IGFBP7: variants seen among roughly 807,000 people sequenced by gnomAD.
The protein encoded by IGFBP7 is insulin like growth factor binding protein 7, also known as insulin-like growth factor-binding protein 7.
In IGFBP7, 31 loss-of-function variants were observed where a neutral mutation model predicts 29.4. The ratio of observed to expected loss-of-function variants is 1.05; its 90% confidence interval spans 0.79 to 1.42. The LOEUF (loss-of-function observed/expected upper bound fraction) is 1.42, where lower values mean the gene tolerates loss of function less well. IGFBP7 is among the 40% of genes most tolerant of loss of function. The pLI is 0.00. For synonymous variants in IGFBP7, 172 were observed against 174.9 expected (o/e 0.98, Z 0.13); for missense variants, 393 against 395.5 (o/e 0.99, Z 0.05).
intron 1 of IGFBP7, among the ~76,000 whole-genome samples, chr4:57,062,510 T>C (rs1306352541): frequency 6.6e-6 from 1 of 152,182 alleles, no homozygotes; most frequent in East Asian, 1.9e-4. Context: ...CAACCCCAAA[T>C]AGGTGGGAAT....
intron 1 of IGFBP7, among the ~76,000 whole-genome samples, chr4:57,074,039 A>ATCTCTCTCTCTC (rs10569950): frequency 9.3e-6 from 1 of 107,446 alleles, no homozygotes; most frequent in Non-Finnish European, 2.0e-5. Context: ...TGGAAAATGC[A>ATCTCTCTCTCTC]TCTCTCTCTC....
chr4:57,093,239 G>A (rs1421850568), intron 1 of IGFBP7, among the ~76,000 whole-genome samples: 2 of 152,186 alleles, frequency 1.3e-5, no homozygotes, highest in Middle Eastern at 3.2e-3. Context: ...AGTGGCTCAC[G>A]CCTATAATCC....
At chr4:57,102,501 G>A (rs1410491433) in intron 1 of IGFBP7, among the ~76,000 whole-genome samples, 4 of 152,024 alleles carry the variant, frequency 2.6e-5, no homozygotes, top group African/African-American at 9.7e-5. Context: ...AGTTTTTACT[G>A]GAAAGTTCTT....
At chr4:57,045,652 A>G (rs1172759819) in intron 1 of IGFBP7, among the ~76,000 whole-genome samples, 2 of 151,738 alleles carry the variant, frequency 1.3e-5, no homozygotes, top group Admixed American at 1.3e-4. Flanking sequence ...TAGGATACCT[A>G]TTTACTAAGC....
At chr4:57,086,796 C>T (rs10010274) in intron 1 of IGFBP7, among the ~76,000 whole-genome samples, 138,806 of 152,254 alleles carry the variant, frequency 0.91, 63,536 homozygotes, top group South Asian at 0.98. Flanking sequence ...TGTAGTGGCG[C>T]GATCTCAGCT....
chr4:57,054,262 T>C (rs1724585471), intron 1 of IGFBP7, among the ~76,000 whole-genome samples: 4 of 151,874 alleles, frequency 2.6e-5, no homozygotes, highest in African/African-American at 9.7e-5. Flanking sequence ...TAAGGGAGGC[T>C]CACCCATCTT....
At chr4:57,047,787 C>T (rs1724398212) in intron 1 of IGFBP7, among the ~76,000 whole-genome samples, 1 of 152,122 alleles carries the variant, frequency 6.6e-6, no homozygotes, top group African/African-American at 2.4e-5. Flanking sequence ...CAGGCTGGAG[C>T]ACAGTGGTGC....
At chr4:57,099,982 T>C (rs1725854730) in intron 1 of IGFBP7, among the ~76,000 whole-genome samples, 1 of 152,012 alleles carries the variant, frequency 6.6e-6, no homozygotes, top group Non-Finnish European at 1.5e-5. Flanking sequence ...AGGGATCCTC[T>C]GCATCAGCCT....
At chr4:57,092,773 A>G (rs1322170765) in intron 1 of IGFBP7, among the ~76,000 whole-genome samples, 1 of 151,052 alleles carries the variant, frequency 6.6e-6, no homozygotes, top group African/African-American at 2.4e-5. Flanking sequence ...TAAAGATGTG[A>G]ATTAAAAGGT....
At chr4:57,083,569 T>C (rs1036838838) in intron 1 of IGFBP7, among the ~76,000 whole-genome samples, 6 of 152,236 alleles carry the variant, frequency 3.9e-5, no homozygotes, top group African/African-American at 1.4e-4. Context: ...AAATAACTTC[T>C]CCAGGCTATT....
intron 1 of IGFBP7, among the ~76,000 whole-genome samples, chr4:57,060,111 A>C (rs1272476940): frequency 6.6e-6 from 1 of 152,214 alleles, no homozygotes; most frequent in African/African-American, 2.4e-5. Flanking sequence ...AGACAACTAT[A>C]CATGCAATTA....
intron 1 of IGFBP7, among the ~76,000 whole-genome samples, chr4:57,092,835 T>C (rs1725672212): frequency 6.6e-6 from 1 of 151,084 alleles, no homozygotes; most frequent in African/African-American, 2.4e-5. Flanking sequence ...TTATTACAAA[T>C]ATAGATTTAT....
intron 1 of IGFBP7, among the ~76,000 whole-genome samples, chr4:57,063,214 C>T (rs1488058065): frequency 1.3e-5 from 2 of 152,022 alleles, no homozygotes; most frequent in Admixed American, 6.6e-5. Flanking sequence ...TTTGACAAAC[C>T]TCCTTTGACC....
rs1578602401 is a variant in IGFBP7 at position 57,033,228 on chromosome 4, G to A, written c.669C>T (p.Gly223=). ...AGCCAGTTACTTCATGCTTTTCTGG[G>A]CCACCCCGGGTCTGAATGGCCAGGT... ...RDNLAIQTRG[G]PEKHEVTGWV... The change falls in exon 3 of 5, where the codon GGC becomes GGT. Residue 223 remains glycine, a synonymous_variant. Transcript: ENST00000295666. The A allele has an allele frequency of 1.2e-6, 2 of 1,613,924 alleles. No homozygotes were observed. Among genetic ancestry groups the A allele is most frequent in the Non-Finnish European group, 1.7e-6 (2 of 1,179,812 alleles).
chr4:57,073,607 TTAAA>T (rs1725118850), intron 1 of IGFBP7, among the ~76,000 whole-genome samples: 1 of 138,418 alleles, frequency 7.2e-6, no homozygotes, highest in African/African-American at 2.7e-5. Context: ...AAAAAAAAAA[TTAAA>T]TAAATAAATA....
At chr4:57,038,503 G>GCAA (rs1724138245) in intron 2 of IGFBP7, among the ~76,000 whole-genome samples, 1 of 152,134 alleles carries the variant, frequency 6.6e-6, no homozygotes, top group Non-Finnish European at 1.5e-5. Flanking sequence ...GGTAGAACTT[G>GCAA]CAACAGAAAG....
At chr4:57,046,184 G>A (rs1271952430) in intron 1 of IGFBP7, among the ~76,000 whole-genome samples, 1 of 152,042 alleles carries the variant, frequency 6.6e-6, no homozygotes, top group Non-Finnish European at 1.5e-5. Flanking sequence ...TGTTTTCGGT[G>A]GATACAATGC....
intron 1 of IGFBP7, among the ~76,000 whole-genome samples, chr4:57,065,226 A>G (rs1174668510): frequency 6.6e-6 from 1 of 152,242 alleles, no homozygotes; most frequent in Non-Finnish European, 1.5e-5. Context: ...TGGCTAAGAC[A>G]GAAAAACAAA....
chr4:57,100,016 A>T (rs565108818), intron 1 of IGFBP7, among the ~76,000 whole-genome samples: 6 of 150,794 alleles, frequency 4.0e-5, no homozygotes, highest in Non-Finnish European at 8.8e-5. Flanking sequence ...GATTATAGGC[A>T]TGAGCCACTG....
Sources: allele counts gnomAD v4.1 joint callset (sites outside exome capture counted in the v4.1 genomes callset), GRCh38; gene constraint gnomAD v4.1.1; transcripts MANE v1.5; gene names NCBI Gene and HGNC (gene_info 2026-07-23, HGNC 2026-07-21).